Variants in MNS1 observed in about 807,000 individuals in gnomAD.
MNS1 encodes the protein meiosis specific nuclear structural 1, also known as meiosis-specific nuclear structural protein 1.
Under a neutral mutation model 72.0 loss-of-function variants are expected in MNS1, and 63 were observed. The observed-to-expected ratio is 0.87, with a 90% CI of 0.71 to 1.08. The LOEUF (loss-of-function observed/expected upper bound fraction) is 1.08. Ranked by LOEUF, MNS1 falls within the 50% of genes least tolerant of loss-of-function variation. The pLI is 0.00. For missense variants in MNS1, 604 were observed against 562.4 expected (o/e 1.07, Z -0.75); for synonymous variants, 188 against 172.1 (o/e 1.09, Z -0.72).
chr15:56,439,032 A>C (rs1365842872), intron 7 of MNS1, among the ~76,000 whole-genome samples: 1 of 152,130 alleles, frequency 6.6e-6, no homozygotes, highest in Non-Finnish European at 1.5e-5. Flanking sequence ...CTCTGGGCAG[A>C]AGACATGCCT....
chr15:56,432,837 T>G lies in MNS1; in HGVS notation c.1269+1301A>C, dbSNP rs938386350. Among the ~76,000 whole-genome samples, 13 of 152,326 alleles carry G rather than the reference T, an allele frequency of 8.5e-5. 1 individual carries two copies. Among genetic ancestry groups the G allele is most frequent in the Admixed American group, 6.5e-4 (10 of 15,292 alleles). On this transcript the variant is annotated intron_variant, in intron 8 of 9. Coordinates refer to ENST00000260453, the MANE Select transcript of MNS1 (RefSeq NM_018365.4). Reference sequence around the variant, plus strand: ...CATATTTGAAACATCTGCATTATTTTGACTCCTACTTTGTATAGTTTTAAA... The same window carrying G: ...CATATTTGAAACATCTGCATTATTTGGACTCCTACTTTGTATAGTTTTAAA...
chr15:56,439,830 T>C (rs2140347081), intron 7 of MNS1, among the ~76,000 whole-genome samples: 1 of 145,482 alleles, frequency 6.9e-6, no homozygotes, highest in South Asian at 2.1e-4. Context: ...AATTCTTCAA[T>C]AACTAGGCGA....
At chr15:56,463,820 G>C in intron 2 of MNS1, 2 of 506,864 alleles carry the variant, frequency 3.9e-6, no homozygotes, top group Non-Finnish European at 6.9e-6. Context: ...TCAAGGGTCC[G>C]TAGCTAAGGT....
In MNS1 at chr15:56,460,009, A is replaced by AAAAAAAAATATATATATAT; in HGVS notation, c.226-3489_226-3488insATATATATATATTTTTTTT. ...CTGTCTCAAAAAAAAAAAAAAAAAA[A>AAAAAAAAATATATATATAT]ATACATATATATATATATATATATA... On this transcript the variant is annotated intron_variant, in intron 2 of 9. Transcript: ENST00000260453. Among the ~76,000 whole-genome samples, 12 of 26,386 alleles carry AAAAAAAAATATATATATAT rather than the reference A, an allele frequency of 4.5e-4. 3 individuals are homozygous for AAAAAAAAATATATATATAT. The highest frequency in any genetic ancestry group is 5.6e-4 in the Admixed American group (1 of 1,800). 17.3% of individuals were successfully genotyped at this position (26,386 alleles called of 152,430 possible).
At chr15:56,441,974 C>G (rs761897011) in intron 7 of MNS1, among the ~76,000 whole-genome samples, 1 of 152,016 alleles carries the variant, frequency 6.6e-6, no homozygotes, top group Non-Finnish European at 1.5e-5. Context: ...GAGCCGAGAT[C>G]ACGCCACTGC....
At chr15:56,433,708 G>A (rs1423563379) in intron 8 of MNS1, among the ~76,000 whole-genome samples, 1 of 152,022 alleles carries the variant, frequency 6.6e-6, no homozygotes, top group Non-Finnish European at 1.5e-5. Context: ...TTAATATACA[G>A]CTTTTCAATC....
intron 2 of MNS1, among the ~76,000 whole-genome samples, chr15:56,461,386 T>G (rs1596269484): frequency 6.6e-6 from 1 of 151,854 alleles, no homozygotes; most frequent in Non-Finnish European, 1.5e-5. Flanking sequence ...GAGGGCCAGG[T>G]GCAGTGGCTG....
At chr15:56,460,034 A>ATATATATG (rs1465903004) in intron 2 of MNS1, among the ~76,000 whole-genome samples, 30 of 104,144 alleles carry the variant, frequency 2.9e-4, no homozygotes, top group African/African-American at 1.0e-4. Flanking sequence ...ATATATATAT[A>ATATATATG]TGTGACTATA....
intron 8 of MNS1, among the ~76,000 whole-genome samples, chr15:56,433,344 G>C (rs557191171): frequency 1.2e-4 from 19 of 152,014 alleles, no homozygotes; most frequent in Non-Finnish European, 5.9e-5. Flanking sequence ...GGGTTGATAG[G>C]TGCAGCAAAC....
At chr15:56,461,977 T>TG (rs778423301) in intron 2 of MNS1, among the ~76,000 whole-genome samples, 586 of 5,798 alleles carry the variant, frequency 0.1, no homozygotes, top group Middle Eastern at 0.38. Context: ...TTGTTGTTGT[T>TG]TTTTTTTTTT....
At chr15:56,453,906 A>C (rs1327976852) in intron 3 of MNS1, among the ~76,000 whole-genome samples, 2 of 152,192 alleles carry the variant, frequency 1.3e-5, no homozygotes, top group Non-Finnish European at 2.9e-5. Flanking sequence ...TTTACATTAA[A>C]AAAGCTAAAT....
At chr15:56,431,118 C>T (rs2050580505) in intron 9 of MNS1, among the ~76,000 whole-genome samples, 1 of 152,200 alleles carries the variant, frequency 6.6e-6, no homozygotes, top group African/African-American at 2.4e-5. Flanking sequence ...CTTGCCACTG[C>T]ACTCCAGCCT....
intron 7 of MNS1, among the ~76,000 whole-genome samples, chr15:56,442,594 T>A (rs2050836822): frequency 6.6e-6 from 1 of 152,168 alleles, no homozygotes; most frequent in Non-Finnish European, 1.5e-5. Flanking sequence ...TGCGTCAACA[T>A]GGATGGAGCT....
At chr15:56,437,995 G>A (rs1279637394) in intron 7 of MNS1, among the ~76,000 whole-genome samples, 1 of 152,176 alleles carries the variant, frequency 6.6e-6, no homozygotes, top group Non-Finnish European at 1.5e-5. Flanking sequence ...AACATTCCAT[G>A]CTCATGGATA....
At chr15:56,454,374 TA>T (rs2050967748) in intron 3 of MNS1, among the ~76,000 whole-genome samples, 1 of 151,940 alleles carries the variant, frequency 6.6e-6, no homozygotes, top group East Asian at 1.9e-4. Flanking sequence ...TTATACTCTT[TA>T]TTTTTAAATG....
At chr15:56,443,900 TA>T in intron 5 of MNS1, 46 bp from the exon 6 acceptor site, 1 of 1,344,428 alleles carries the variant, frequency 7.4e-7, no homozygotes, top group Non-Finnish European at 1.0e-6. Flanking sequence ...CAATAAAATA[TA>T]AAAAAGTAAT....
Position 56,443,892 on chromosome 15 carries a change from A to G in MNS1, c.687-38T>C, listed in dbSNP as rs76205099. 2.0e-3 allele frequency: 2,743 copies of G among 1,391,772 alleles called. 28 individuals carry two copies. The African/African-American group carries it at 0.027, about 13-fold the overall frequency. 86.2% of individuals were successfully genotyped at this position (1,391,772 alleles called of 1,614,324 possible). A position where few individuals can be genotyped will look rare whatever the true frequency, so the allele number is the denominator to read the frequency against. ...AACAAGTACAGATTTATAGTAAACA[A>G]TAAAATATAAAAAAGTAATTTCATT... is the stretch of plus-strand genomic sequence containing the variant. On this transcript the variant is annotated intron_variant, in intron 5 of 9. Coordinates refer to ENST00000260453, the MANE Select transcript of MNS1 (RefSeq NM_018365.4).
chr15:56,464,055 C>T lies in MNS1; in HGVS notation c.196G>A (p.Glu66Lys). ...FLRLLQNEQFELDMEEAIQKA... is the reference protein window; with the variant it reads ...FLRLLQNEQFKLDMEEAIQKA... ...TGAATGGCCTCTTCCATATCCAACT[C>T]AAATTGTTCATTTTGTAATAATCTG... Residue 66 changes from glutamate to lysine, a missense_variant, in exon 2 of 10, where the codon GAG becomes AAG. Glu to Lys is a moderately conservative substitution (Grantham distance 56). Coordinates refer to ENST00000260453, the MANE Select transcript of MNS1 (RefSeq NM_018365.4). 6.2e-7 allele frequency: 1 copy of T among 1,613,422 alleles called. No individual in the cohort carries two copies. Among genetic ancestry groups the T allele is most frequent in the Non-Finnish European group, 8.5e-7 (1 of 1,179,836 alleles).
chr15:56,443,568 T>C (rs1567151000), intron 6 of MNS1, 31 bp from the exon 7 acceptor site: 1 of 1,579,780 alleles, frequency 6.3e-7, no homozygotes. Context: ...CATAAATATT[T>C]ATAGGATCCA....
Sources: gnomAD v4.1 joint callset for allele counts (sites outside exome capture counted in the v4.1 genomes callset) on GRCh38, gnomAD v4.1.1 for gene constraint, MANE v1.5 for transcripts, NCBI Gene and HGNC (gene_info 2026-07-23, HGNC 2026-07-21) for gene names.